BAZ2B: variants seen among roughly 807,000 people sequenced by gnomAD.
The protein encoded by BAZ2B is bromodomain adjacent to zinc finger domain protein 2B.
Under a neutral mutation model 246.0 loss-of-function variants are expected in BAZ2B, and 91 were observed. That is an observed-to-expected ratio of 0.37 (90% CI 0.31 to 0.44). The LOEUF (loss-of-function observed/expected upper bound fraction) is 0.44, where lower values mean the gene tolerates loss of function less well. Among genes scored for constraint, BAZ2B ranks in the 20% least tolerant of loss-of-function variants. BAZ2B has a pLI of 1.00. For missense variants in BAZ2B, 2,332 were observed against 2,533.7 expected (o/e 0.92, Z 1.71); for synonymous variants, 855 against 860.0 (o/e 0.99, Z 0.10).
chr2:159,661,921 T>A, the BAZ2B span, among the ~76,000 whole-genome samples: 3 of 152,132 alleles, frequency 2.0e-5, no homozygotes, highest in Non-Finnish European at 4.4e-5. Context: ...AACAATCTTA[T>A]CTAATTGCAA....
At chr2:159,711,887 A>G in the BAZ2B span, 1 of 152,192 alleles carries the variant, frequency 6.6e-6, no homozygotes, top group African/African-American at 2.4e-5. Context: ...CGATTTTAAA[A>G]GACATGATCA....
the BAZ2B span, chr2:159,689,639 TG>T: frequency 7.3e-6 from 2 of 275,068 alleles, no homozygotes; most frequent in South Asian, 3.9e-5. Context: ...CCCAAAGTGC[TG>T]GGATTAGAGG....
At chr2:159,486,886 A>G (rs921867574) in intron 2 of BAZ2B, among the ~76,000 whole-genome samples, 15 of 152,138 alleles carry the variant, frequency 9.9e-5, no homozygotes, top group African/African-American at 3.6e-4. Context: ...AATATGTTAA[A>G]TATAAAGAGC....
At chr2:159,396,194 T>C in intron 19 of BAZ2B, 1 of 162,326 alleles carries the variant, frequency 6.2e-6, no homozygotes, top group Non-Finnish European at 1.3e-5. Context: ...CATCTGCTAT[T>C]AGAAAAACCA....
At chr2:159,487,505 C>T (rs1468039352) in intron 2 of BAZ2B, among the ~76,000 whole-genome samples, 1 of 152,146 alleles carries the variant, frequency 6.6e-6, no homozygotes, top group African/African-American at 2.4e-5. Context: ...AAGTAGGAGG[C>T]ACTTTCACTG....
At chr2:159,676,021 G>A in the BAZ2B span, among the ~76,000 whole-genome samples, 8 of 152,062 alleles carry the variant, frequency 5.3e-5, no homozygotes, top group Non-Finnish European at 1.0e-4. Context: ...TCAGTCTCCC[G>A]AGTAGCTGGG....
At chr2:159,511,420 G>A (rs1463376343) in intron 2 of BAZ2B, among the ~76,000 whole-genome samples, 1 of 152,056 alleles carries the variant, frequency 6.6e-6, no homozygotes, top group Non-Finnish European at 1.5e-5. Context: ...TGGCAAGGCT[G>A]GTCTCAAACT....
At chr2:159,483,775 C>T (rs1003912990) in intron 2 of BAZ2B, among the ~76,000 whole-genome samples, 11 of 151,178 alleles carry the variant, frequency 7.3e-5, no homozygotes, top group African/African-American at 2.2e-4. Context: ...AGTGAGACTC[C>T]GTCTCAAACA....
At chr2:159,462,957 T>G (rs2150633858) in intron 3 of BAZ2B, 2 of 1,064,874 alleles carry the variant, frequency 1.9e-6, no homozygotes, top group Middle Eastern at 2.0e-4. Flanking sequence ...TTTCTATAAG[T>G]GATCAAATGT....
At chr2:159,628,462 C>G in the BAZ2B span, among the ~76,000 whole-genome samples, 1 of 152,022 alleles carries the variant, frequency 6.6e-6, no homozygotes, top group East Asian at 1.9e-4. Flanking sequence ...GTACTGGTAC[C>G]GAAACAGATA....
At chr2:159,640,490 T>C in the BAZ2B span, among the ~76,000 whole-genome samples, 3 of 151,712 alleles carry the variant, frequency 2.0e-5, no homozygotes, top group Non-Finnish European at 2.9e-5. Flanking sequence ...AAACCTGAAA[T>C]AGTATCAAAT....
intron 2 of BAZ2B, among the ~76,000 whole-genome samples, chr2:159,554,233 T>TG (rs1349977757): frequency 6.6e-6 from 1 of 152,034 alleles, no homozygotes; most frequent in Admixed American, 6.6e-5. Context: ...AAATAAACTG[T>TG]GGGAAAAAAA....
chr2:159,560,864 C>T (rs2089781671), intron 1 of BAZ2B, among the ~76,000 whole-genome samples: 1 of 151,964 alleles, frequency 6.6e-6, no homozygotes, highest in Non-Finnish European at 1.5e-5. Context: ...ATACTGACTT[C>T]TTAAATTTGA....
At chr2:159,452,312 T>C (rs2075199841) in intron 4 of BAZ2B, among the ~76,000 whole-genome samples, 1 of 152,238 alleles carries the variant, frequency 6.6e-6, no homozygotes, top group Non-Finnish European at 1.5e-5. Context: ...AATGAAATAA[T>C]AATGATAGTT....
chr2:159,447,588 T>C (rs1281526856), intron 5 of BAZ2B, among the ~76,000 whole-genome samples: 3 of 152,112 alleles, frequency 2.0e-5, no homozygotes, highest in Non-Finnish European at 4.4e-5. Flanking sequence ...AATACTTAAT[T>C]ACAAAAGAAG....
At chr2:159,650,445 T>C in the BAZ2B span, among the ~76,000 whole-genome samples, 1 of 152,172 alleles carries the variant, frequency 6.6e-6, no homozygotes, top group Non-Finnish European at 1.5e-5. Flanking sequence ...TGATGCAAGA[T>C]CTTTTAAAAC....
intron 2 of BAZ2B, among the ~76,000 whole-genome samples, chr2:159,508,236 A>C (rs1425045): frequency 0.26 from 39,426 of 152,136 alleles, 5,209 homozygotes; most frequent in South Asian, 0.35. Flanking sequence ...TCACAAGTTC[A>C]GCAGGTTCCT....
chr2:159,464,680 A>C (rs962229910), intron 3 of BAZ2B: 5 of 152,228 alleles, frequency 3.3e-5, no homozygotes, highest in African/African-American at 1.2e-4. Flanking sequence ...GCTTTGTTCA[A>C]GAAATGATGC....
intron 13 of BAZ2B, among the ~76,000 whole-genome samples, chr2:159,420,415 A>C (rs2068539753): frequency 6.6e-6 from 1 of 152,218 alleles, no homozygotes; most frequent in Non-Finnish European, 1.5e-5. Context: ...CAACATCTCG[A>C]AGAAAAAAAG....
Sources: allele counts gnomAD v4.1 joint callset (sites outside exome capture counted in the v4.1 genomes callset), GRCh38; gene constraint gnomAD v4.1.1; transcripts MANE v1.5; gene names NCBI Gene and HGNC (gene_info 2026-07-23, HGNC 2026-07-21).